The following RALGPS1 variants were observed in gnomAD, a reference collection of about 807,000 sequenced individuals.
The protein encoded by RALGPS1 is Ral GEF with PH domain and SH3 binding motif 1.
Under a neutral mutation model 78.8 loss-of-function variants are expected in RALGPS1, and 19 were observed. That is an observed-to-expected ratio of 0.24 (90% CI 0.17 to 0.35). RALGPS1 has a LOEUF of 0.35. Among genes scored for constraint, RALGPS1 ranks in the 10% least tolerant of loss-of-function variants. The pLI, the probability that RALGPS1 is intolerant of heterozygous loss-of-function variation, is 1.00. For missense variants in RALGPS1, 454 were observed against 688.3 expected, an observed-to-expected ratio of 0.66 and a Z score of 3.81; for synonymous variants, 228 against 256.3, an observed-to-expected ratio of 0.89 and a Z score of 1.06.
intron 8 of RALGPS1, among the ~76,000 whole-genome samples, chr9:127,116,862 T>C (rs2055483804): frequency 6.6e-6 from 1 of 152,108 alleles, no homozygotes; most frequent in African/African-American, 2.4e-5. Flanking sequence ...ATGAAGCCAC[T>C]TGTCCAGGGG....
intron 3 of RALGPS1, among the ~76,000 whole-genome samples, chr9:126,966,469 T>C (rs1281300501): frequency 1.3e-5 from 2 of 148,162 alleles, no homozygotes; most frequent in Non-Finnish European, 3.0e-5. Context: ...TGCAGTGAGC[T>C]GTGATCATGC....
chr9:127,154,396 T>C (rs1430690874), intron 8 of RALGPS1, among the ~76,000 whole-genome samples: 1 of 152,192 alleles, frequency 6.6e-6, no homozygotes, highest in African/African-American at 2.4e-5. Context: ...AGGACTCACA[T>C]CCTCTCATCT....
chr9:126,931,015 CAAG>C (rs977767401), intron 1 of RALGPS1, among the ~76,000 whole-genome samples: 10 of 152,164 alleles, frequency 6.6e-5, no homozygotes, highest in African/African-American at 2.4e-4. Flanking sequence ...TTCTTATGTG[CAAG>C]AAGTCAGAAG....
intron 8 of RALGPS1, among the ~76,000 whole-genome samples, chr9:127,115,672 T>C (rs1415259411): frequency 6.6e-6 from 1 of 152,254 alleles, no homozygotes; most frequent in Admixed American, 6.5e-5. Context: ...TGCTTGTTTG[T>C]TTAATGGCTG....
intron 4 of RALGPS1, among the ~76,000 whole-genome samples, chr9:127,008,140 CAAA>C (rs5900742): frequency 7.2e-5 from 9 of 124,364 alleles, no homozygotes; most frequent in Non-Finnish European, 8.2e-5. Context: ...GGAGACTGGT[CAAA>C]AAAAAAAAAA....
intron 8 of RALGPS1, chr9:127,108,490 T>C (rs2054478531): frequency 7.4e-6 from 12 of 1,612,664 alleles, no homozygotes; most frequent in Non-Finnish European, 1.0e-5. Context: ...CACTCGGTTC[T>C]CCAGAAGCAC....
chr9:126,916,163 G>C (rs1365627253), intron 1 of RALGPS1, among the ~76,000 whole-genome samples: 3 of 152,128 alleles, frequency 2.0e-5, no homozygotes, highest in African/African-American at 7.2e-5. Context: ...TTGGATTCAG[G>C]GACTGGAGAG....
intron 3 of RALGPS1, among the ~76,000 whole-genome samples, chr9:126,972,275 C>T (rs2040193179): frequency 6.6e-6 from 1 of 152,180 alleles, no homozygotes; most frequent in African/African-American, 2.4e-5. Context: ...AATGGGTCAC[C>T]TTTTGATGAT....
chr9:126,995,713 A>G (rs2042682618), intron 4 of RALGPS1, among the ~76,000 whole-genome samples: 1 of 152,158 alleles, frequency 6.6e-6, no homozygotes, highest in South Asian at 2.1e-4. Flanking sequence ...TCCACCCCAA[A>G]TCAACAGAAT....
chr9:127,193,241 T>C (rs1296949319), intron 11 of RALGPS1, among the ~76,000 whole-genome samples: 1 of 152,012 alleles, frequency 6.6e-6, no homozygotes, highest in Non-Finnish European at 1.5e-5. Context: ...ACTGCAAGGG[T>C]GGCTGTGAGA....
chr9:127,158,527 T>G (rs1437575870), intron 8 of RALGPS1, among the ~76,000 whole-genome samples: 1 of 152,184 alleles, frequency 6.6e-6, no homozygotes, highest in Non-Finnish European at 1.5e-5. Flanking sequence ...CATCTGTGTC[T>G]TTTTCCTCAG....
intron 1 of RALGPS1, among the ~76,000 whole-genome samples, chr9:126,917,059 CACTGTAGA>C (rs1414884856): frequency 6.7e-6 from 1 of 149,886 alleles, no homozygotes; most frequent in African/African-American, 2.5e-5. Context: ...TTTTTTTTTT[CACTGTAGA>C]AGCTGTGGGA....
intron 4 of RALGPS1, among the ~76,000 whole-genome samples, chr9:126,995,458 AT>A (rs1324882643): frequency 6.6e-6 from 1 of 152,264 alleles, no homozygotes; most frequent in Non-Finnish European, 1.5e-5. Context: ...TGGTAAAGGG[AT>A]CAATTCAACA....
intron 8 of RALGPS1, among the ~76,000 whole-genome samples, chr9:127,123,960 G>T (rs1396673414): frequency 6.6e-6 from 1 of 152,174 alleles, no homozygotes; most frequent in African/African-American, 2.4e-5. Context: ...TGATGGTGGT[G>T]ATGATGTTTG....
chr9:126,916,275 G>A (rs746400237), intron 1 of RALGPS1, among the ~76,000 whole-genome samples: 2 of 152,220 alleles, frequency 1.3e-5, no homozygotes, highest in Non-Finnish European at 2.9e-5. Flanking sequence ...AAAAGACTCA[G>A]CCGTGTCTTG....
rs191848010 is a variant in RALGPS1, at chr9:127,191,788, C to T, written c.911-3303C>T. ...TCTCGGCTCACTGCAAGCTCTGCCT[C>T]CCAGGTTCACGCCATTCTCCTGCCT... On this transcript the variant is annotated intron_variant, in intron 11 of 18. Transcript: ENST00000259351. Among the ~76,000 whole-genome samples the T allele has an allele frequency of 7.1e-3, 1,056 of 148,856 alleles. 11 individuals carry two copies. Among genetic ancestry groups the T allele is most frequent in the Non-Finnish European group, 0.012 (796 of 67,580 alleles).
intron 4 of RALGPS1, chr9:126,989,795 C>G: frequency 6.7e-7 from 1 of 1,487,556 alleles, no homozygotes; most frequent in Non-Finnish European, 9.0e-7. Flanking sequence ...GACACTTACT[C>G]TAGAGGGATT....
rs1004089209 is a variant in RALGPS1 at position 127,220,713 on chromosome 9, T to C, written c.*1944T>C. The C allele has an allele frequency of 6.6e-6, 1 of 152,258 alleles. No individual in the cohort carries two copies. Among genetic ancestry groups the C allele is most frequent in the Non-Finnish European group, 1.5e-5 (1 of 68,044 alleles). 9.4% of individuals were successfully genotyped at this position (152,258 alleles called of 1,614,324 possible). ...TGAATCTGATTCTACCTGTTAACTT[T>C]TAAAAAGTCGTAAGTTTGGATGAAA... is the stretch of plus-strand genomic sequence containing the variant. On this transcript the variant is annotated 3_prime_UTR_variant, in exon 19 of 19. Coordinates refer to ENST00000259351, the MANE Select transcript of RALGPS1 (RefSeq NM_014636.3).
intron 1 of RALGPS1, among the ~76,000 whole-genome samples, chr9:126,959,512 C>T (rs368170456): frequency 1.3e-5 from 2 of 152,154 alleles, no homozygotes; most frequent in African/African-American, 4.8e-5. Flanking sequence ...CTCAGCCCGT[C>T]TCCTCTCCTT....
Sources: gnomAD v4.1 joint callset for allele counts (sites outside exome capture counted in the v4.1 genomes callset) on GRCh38, gnomAD v4.1.1 for gene constraint, MANE v1.5 for transcripts, NCBI Gene and HGNC (gene_info 2026-07-23, HGNC 2026-07-21) for gene names.